HDX: variants seen among roughly 807,000 people sequenced by gnomAD.
The protein encoded by HDX is highly divergent homeobox.
In HDX, 19 loss-of-function variants were observed where a neutral mutation model predicts 45.2. That is an observed-to-expected ratio of 0.42 (90% CI 0.29 to 0.62). HDX has a LOEUF of 0.62. HDX is among the 20% of genes least tolerant of loss of function. The pLI is 0.20. For missense variants in HDX, 532 were observed against 493.9 expected (o/e 1.08, Z -0.73); for synonymous variants, 188 against 172.8 (o/e 1.09, Z -0.69).
intron 5 of HDX, among the ~76,000 whole-genome samples, chrX:84,422,126 A>T (rs1039163308): frequency 5.4e-5 from 6 of 112,138 alleles, no homozygotes; most frequent in African/African-American, 1.9e-4. Flanking sequence ...TCTCAAGAAC[A>T]GCCATATGAA....
chrX:84,345,398 C>T (rs2037177528), intron 6 of HDX, among the ~76,000 whole-genome samples: 1 of 111,142 alleles, frequency 9.0e-6, no homozygotes, highest in Admixed American at 9.6e-5. Context: ...AGCATGTGAC[C>T]TTTTGAAATC....
intron 5 of HDX, among the ~76,000 whole-genome samples, chrX:84,430,671 G>A (rs759020056): frequency 1.2e-5 from 1 of 81,461 alleles, no homozygotes; most frequent in South Asian, 5.3e-4. Context: ...CTGCATCCTC[G>A]CCAGTATTTG....
chrX:84,469,846 A>G (rs1569362875), intron 3 of HDX, among the ~76,000 whole-genome samples: 2 of 111,589 alleles, frequency 1.8e-5, no homozygotes, highest in South Asian at 3.7e-4. Context: ...GTATCAAGAA[A>G]CCTAAAAATG....
chrX:84,472,358 C>A (rs896091564), intron 3 of HDX, among the ~76,000 whole-genome samples: 2 of 111,260 alleles, frequency 1.8e-5, no homozygotes, highest in African/African-American at 3.3e-5. Context: ...TATATAGCAA[C>A]CTAGCAACCT....
chrX:84,467,620 C>A, intron 4 of HDX, among the ~76,000 whole-genome samples: 1 of 85,455 alleles, frequency 1.2e-5, no homozygotes. Context: ...AGCAAGACTC[C>A]GTCAAAAAAA....
At chrX:84,466,798 A>G (rs1225817804) in intron 4 of HDX, among the ~76,000 whole-genome samples, 2 of 111,745 alleles carry the variant, frequency 1.8e-5, no homozygotes, top group African/African-American at 6.5e-5. Flanking sequence ...GCTGAGTTGG[A>G]ATTCTGGTTC....
intron 1 of HDX, among the ~76,000 whole-genome samples, chrX:84,500,880 A>G (rs2041106284): frequency 9.0e-6 from 1 of 111,388 alleles, no homozygotes; most frequent in Admixed American, 9.6e-5. Flanking sequence ...GGCCAAGAAT[A>G]TGTTGGTTAA....
intron 6 of HDX, among the ~76,000 whole-genome samples, chrX:84,359,600 C>T (rs2037569903): frequency 9.0e-6 from 1 of 111,662 alleles, no homozygotes; most frequent in Admixed American, 9.6e-5. Flanking sequence ...CACTGATGGA[C>T]ATGTGGGTTG....
intron 5 of HDX, among the ~76,000 whole-genome samples, chrX:84,405,820 C>T (rs1388445342): frequency 9.2e-6 from 1 of 109,188 alleles, no homozygotes; most frequent in African/African-American, 3.3e-5. Flanking sequence ...ATTAGCAAAC[C>T]GAAAAGATCT....
chrX:84,431,669 C>T (rs748147558), intron 5 of HDX, among the ~76,000 whole-genome samples: 22 of 111,332 alleles, frequency 2.0e-4, no homozygotes, highest in African/African-American at 6.8e-4. Context: ...GTTCTTTGCC[C>T]ACTTTTTAAT....
At chrX:84,349,609 G>GTGTGTATA (rs1315482424) in intron 6 of HDX, among the ~76,000 whole-genome samples, 2 of 77,566 alleles carry the variant, frequency 2.6e-5, no homozygotes, top group African/African-American at 1.0e-4. Flanking sequence ...ATGTGTGTGT[G>GTGTGTATA]TATATATATA....
At chrX:84,338,345 G>A (rs1047499010) in intron 7 of HDX, among the ~76,000 whole-genome samples, 1 of 109,536 alleles carries the variant, frequency 9.1e-6, no homozygotes, top group Non-Finnish European at 1.9e-5. Flanking sequence ...ATTTTGGGGG[G>A]TATATTTGAG....
chrX:84,442,292 G>A (rs746292100), intron 4 of HDX, among the ~76,000 whole-genome samples: 12 of 111,037 alleles, frequency 1.1e-4, no homozygotes, highest in Non-Finnish European at 2.1e-4. Flanking sequence ...CTATTGACAA[G>A]GAGTGATGAT....
At chrX:84,372,940 T>C (rs1276642919) in intron 5 of HDX, among the ~76,000 whole-genome samples, 1 of 112,007 alleles carries the variant, frequency 8.9e-6, no homozygotes, top group African/African-American at 3.2e-5. Flanking sequence ...ACTTTGAAAA[T>C]GTATATAAAA....
intron 5 of HDX, among the ~76,000 whole-genome samples, chrX:84,374,520 C>A (rs2037989630): frequency 9.5e-6 from 1 of 105,664 alleles, no homozygotes; most frequent in African/African-American, 3.5e-5. Flanking sequence ...TACTACAAGT[C>A]TACAGTAACC....
intron 5 of HDX, among the ~76,000 whole-genome samples, chrX:84,394,519 C>G (rs1431809268): frequency 9.0e-6 from 1 of 111,612 alleles, no homozygotes; most frequent in Non-Finnish European, 1.9e-5. Flanking sequence ...TCCGCTTGGT[C>G]TAAAATGCAG....
chrX:84,425,631 A>C (rs1218270628), intron 5 of HDX, among the ~76,000 whole-genome samples: 1 of 112,199 alleles, frequency 8.9e-6, no homozygotes, highest in Admixed American at 9.5e-5. Flanking sequence ...CAGTAATGAA[A>C]AAAATGAGAT....
chrX:84,415,254 C>G (rs924506435), intron 5 of HDX, among the ~76,000 whole-genome samples: 9 of 112,074 alleles, frequency 8.0e-5, no homozygotes, highest in South Asian at 7.3e-4. Context: ...TCTCCACTTG[C>G]CAAGTGGCTT....
intron 6 of HDX, among the ~76,000 whole-genome samples, chrX:84,355,235 G>C (rs1344113412): frequency 1.8e-5 from 2 of 109,981 alleles, no homozygotes; most frequent in African/African-American, 6.6e-5. Context: ...CATAAAATAT[G>C]TTGATTCTAT....
Sources: allele counts gnomAD v4.1 joint callset (sites outside exome capture counted in the v4.1 genomes callset), GRCh38; gene constraint gnomAD v4.1.1; transcripts MANE v1.5; gene names NCBI Gene and HGNC (gene_info 2026-07-23, HGNC 2026-07-21).